The following ARHGAP10 variants were observed in gnomAD, a reference collection of about 807,000 sequenced individuals.
ARHGAP10 encodes the protein rho GTPase-activating protein 10.
A neutral mutation model predicts 108.6 loss-of-function variants in ARHGAP10; 87 were observed. That is an observed-to-expected ratio of 0.80 (90% confidence interval 0.67 to 0.96). The LOEUF (loss-of-function observed/expected upper bound fraction) is 0.96. Among genes scored for constraint, ARHGAP10 ranks in the 40% least tolerant of loss-of-function variants. The probability of loss-of-function intolerance (pLI) is 0.00; values close to 1 mark genes in which losing one functional copy is unlikely to be tolerated. For missense variants in ARHGAP10, 939 were observed against 954.5 expected (o/e 0.98, Z 0.21); for synonymous variants, 347 against 341.1 (o/e 1.02, Z -0.19).
In ARHGAP10 at chr4:148,067,899, G is replaced by A. The variant is rs550009603; in HGVS notation, c.2272+3392G>A. ...GGGTGGGCCTGGACTTAAGTTATGA[G>A]TTCCAGTTCTAGGCGGAAGATGTGT... On this transcript the variant is annotated intron_variant, in intron 22 of 22. Coordinates refer to ENST00000336498, the MANE Select transcript of ARHGAP10 (RefSeq NM_024605.4). Among the ~76,000 whole-genome samples, 6 of 152,274 alleles carry A rather than the reference G, an allele frequency of 3.9e-5. No homozygotes were observed. The South Asian group carries it at 1.2e-3, about 32-fold the overall frequency.
intron 11 of ARHGAP10, among the ~76,000 whole-genome samples, chr4:147,908,612 A>G (rs1736600254): frequency 6.6e-6 from 1 of 152,224 alleles, no homozygotes; most frequent in African/African-American, 2.4e-5. Context: ...TACAGTTCTT[A>G]AAGGTTGCCT....
At chr4:147,978,561 C>A (rs1009772115) in intron 18 of ARHGAP10, among the ~76,000 whole-genome samples, 1 of 152,094 alleles carries the variant, frequency 6.6e-6, no homozygotes, top group Non-Finnish European at 1.5e-5. Flanking sequence ...GCACTTCCCC[C>A]CTTGCTTGCT....
chr4:147,832,913 A>G (rs1284326811), intron 3 of ARHGAP10, among the ~76,000 whole-genome samples: 2 of 152,130 alleles, frequency 1.3e-5, no homozygotes, highest in Non-Finnish European at 2.9e-5. Context: ...TACTCTTTGG[A>G]CAACTGTAGC....
At chr4:147,827,513 G>C (rs1469986250) in intron 3 of ARHGAP10, among the ~76,000 whole-genome samples, 1 of 152,186 alleles carries the variant, frequency 6.6e-6, no homozygotes, top group Non-Finnish European at 1.5e-5. Flanking sequence ...ATTGGAGCTA[G>C]AGTTTGTGGG....
At chr4:147,851,068 C>A (rs922456036) in intron 4 of ARHGAP10, among the ~76,000 whole-genome samples, 7 of 152,110 alleles carry the variant, frequency 4.6e-5, no homozygotes, top group Admixed American at 3.9e-4. Context: ...GTGGATGCAA[C>A]TAACTGGATT....
At chr4:148,003,725 A>G (rs995183053) in intron 18 of ARHGAP10, among the ~76,000 whole-genome samples, 1 of 152,110 alleles carries the variant, frequency 6.6e-6, no homozygotes, top group Non-Finnish European at 1.5e-5. Flanking sequence ...AGAGACTAGG[A>G]TTGTAACCCT....
intron 18 of ARHGAP10, among the ~76,000 whole-genome samples, chr4:147,974,870 C>T (rs756727818): frequency 1.1e-4 from 16 of 152,272 alleles, no homozygotes; most frequent in Non-Finnish European, 1.6e-4. Context: ...AGAACTTGTG[C>T]AGGGAAACTC....
At chr4:147,850,282 CAAG>C (rs1269920878) in intron 4 of ARHGAP10, among the ~76,000 whole-genome samples, 1 of 152,182 alleles carries the variant, frequency 6.6e-6, no homozygotes, top group African/African-American at 2.4e-5. Flanking sequence ...TGGACGGGGC[CAAG>C]TAAGGGAATA....
At chr4:147,789,991 ATTTTTTTTTT>A (rs767313173) in intron 1 of ARHGAP10, among the ~76,000 whole-genome samples, 1,575 of 117,826 alleles carry the variant, frequency 0.013, 35 homozygotes, top group African/African-American at 0.046. Flanking sequence ...TGGTGTGTGG[ATTTTTTTTTT>A]TTTTTTTTTT....
chr4:148,039,368 ATTTTTTTTTTT>A (rs34876546), intron 19 of ARHGAP10, among the ~76,000 whole-genome samples: 9 of 73,102 alleles, frequency 1.2e-4, no homozygotes, highest in Admixed American at 7.9e-4. Context: ...TACTACTTCA[ATTTTTTTTTTT>A]TTTTTTTTTT....
At chr4:147,904,354 G>T (rs535566652) in intron 10 of ARHGAP10, among the ~76,000 whole-genome samples, 3 of 151,952 alleles carry the variant, frequency 2.0e-5, no homozygotes, top group African/African-American at 7.3e-5. Flanking sequence ...TTAGCATTAG[G>T]TATATCTCCT....
chr4:147,983,608 C>G (rs928590358), intron 18 of ARHGAP10, among the ~76,000 whole-genome samples: 4 of 151,814 alleles, frequency 2.6e-5, no homozygotes, highest in Admixed American at 2.0e-4. Context: ...AGACTTCCAA[C>G]TGTATTTTGA....
intron 15 of ARHGAP10, among the ~76,000 whole-genome samples, chr4:147,948,930 C>T (rs1175291065): frequency 6.7e-6 from 1 of 150,060 alleles, no homozygotes; most frequent in African/African-American, 2.5e-5. Flanking sequence ...CCAGCCACTG[C>T]ACTCCAGCCT....
intron 10 of ARHGAP10, among the ~76,000 whole-genome samples, chr4:147,899,429 C>T (rs1017662107): frequency 6.6e-6 from 1 of 151,894 alleles, no homozygotes; most frequent in African/African-American, 2.4e-5. Flanking sequence ...GTCTTTTTTA[C>T]ATCTTTGCTC....
intron 5 of ARHGAP10, among the ~76,000 whole-genome samples, chr4:147,860,270 G>A (rs1182929570): frequency 3.3e-5 from 5 of 152,188 alleles, no homozygotes; most frequent in South Asian, 2.1e-4. Flanking sequence ...GTGAAACCCC[G>A]TCTCTACTAA....
chr4:148,052,673 G>C (rs1018406918), intron 20 of ARHGAP10, among the ~76,000 whole-genome samples: 1 of 152,158 alleles, frequency 6.6e-6, no homozygotes, highest in Non-Finnish European at 1.5e-5. Context: ...GTGCCTTCTT[G>C]TGGAAGGATG....
At chr4:147,892,076 C>T (rs1270479059) in intron 10 of ARHGAP10, among the ~76,000 whole-genome samples, 2 of 152,228 alleles carry the variant, frequency 1.3e-5, no homozygotes, top group South Asian at 2.1e-4. Flanking sequence ...TCTGACATTT[C>T]GAATATTATA....
chr4:147,917,900 A>T (rs965692303), intron 13 of ARHGAP10, among the ~76,000 whole-genome samples: 1 of 152,196 alleles, frequency 6.6e-6, no homozygotes, highest in Non-Finnish European at 1.5e-5. Flanking sequence ...GATGATGAAG[A>T]TACCCACTTA....
intron 3 of ARHGAP10, among the ~76,000 whole-genome samples, chr4:147,841,300 T>G (rs542949319): frequency 2.0e-5 from 3 of 152,282 alleles, no homozygotes; most frequent in Non-Finnish European, 4.4e-5. Flanking sequence ...TCTTGGCTGG[T>G]TCAAGTATTT....
Sources: gnomAD v4.1 joint callset for allele counts (sites outside exome capture counted in the v4.1 genomes callset) on GRCh38, gnomAD v4.1.1 for gene constraint, MANE v1.5 for transcripts, NCBI Gene and HGNC (gene_info 2026-07-23, HGNC 2026-07-21) for gene names.